The following OTULINL variants were observed in gnomAD, a reference collection of about 807,000 sequenced individuals.
OTULINL encodes the protein OTU deubiquitinase with linear linkage specificity like.
A neutral mutation model predicts 43.9 loss-of-function variants in OTULINL; 42 were observed. The observed-to-expected ratio is 0.96, with a 90% CI of 0.75 to 1.24. The LOEUF (loss-of-function observed/expected upper bound fraction) is 1.24, where lower values mean the gene tolerates loss of function less well. OTULINL is among the 50% of genes most tolerant of loss of function. The pLI, the probability that OTULINL is intolerant of heterozygous loss-of-function variation, is 0.00. For missense variants in OTULINL, 411 were observed against 426.4 expected (o/e 0.96, Z 0.32); for synonymous variants, 172 against 153.6 (o/e 1.12, Z -0.88).
At chr5:14,607,971 A>T (rs894773561) in intron 6 of OTULINL, among the ~76,000 whole-genome samples, 1 of 152,248 alleles carries the variant, frequency 6.6e-6, no homozygotes, top group Non-Finnish European at 1.5e-5. Flanking sequence ...AAAGAGAAAC[A>T]TCAATAGTGT....
At chr5:14,595,640 CTTTTTTTTTTT>C (rs61482298) in intron 1 of OTULINL, among the ~76,000 whole-genome samples, 1 of 57,094 alleles carries the variant, frequency 1.8e-5, no homozygotes, top group Non-Finnish European at 3.1e-5. Context: ...AAAAACGGTG[CTTTTTTTTTTT>C]TTTTTTTTTT....
chr5:14,591,470 G>A (rs1759200657), intron 1 of OTULINL, among the ~76,000 whole-genome samples: 1 of 152,114 alleles, frequency 6.6e-6, no homozygotes, highest in African/African-American at 2.4e-5. Flanking sequence ...TTCTGTGCGG[G>A]CAGGTCTGTG....
chr5:14,599,412 C>T (rs1759345801), intron 1 of OTULINL, among the ~76,000 whole-genome samples: 3 of 151,606 alleles, frequency 2.0e-5, no homozygotes, highest in South Asian at 2.1e-4. Flanking sequence ...CACTTGAACC[C>T]GGGAGGCAGA....
In OTULINL at chr5:14,613,206, G is replaced by A. The variant is rs1242039931; in HGVS notation, c.*2892G>A. ...CAAAGTGCTGGGATTACGGGTGTGAGCCACTGCGCCCGGCCCTAACAATTT... is the reference window on the plus strand; with the variant it reads ...CAAAGTGCTGGGATTACGGGTGTGAACCACTGCGCCCGGCCCTAACAATTT... On this transcript the variant is annotated 3_prime_UTR_variant, in exon 8 of 8. Coordinates refer to ENST00000274217, the MANE Select transcript of OTULINL (RefSeq NM_019018.3). Among the ~76,000 whole-genome samples, 1 of 152,208 alleles carries A rather than the reference G, an allele frequency of 6.6e-6. No individual in the cohort carries two copies. Among genetic ancestry groups the A allele is most frequent in the African/African-American group, 2.4e-5 (1 of 41,452 alleles).
rs920467060 is a variant in OTULINL, at chr5:14,591,070, G to T, written c.64+9112G>T. Among the ~76,000 whole-genome samples, 4 of 152,190 alleles carry T rather than the reference G, an allele frequency of 2.6e-5. 1 individual carries two copies. Among genetic ancestry groups the T allele is most frequent in the Non-Finnish European group, 5.9e-5 (4 of 68,032 alleles). ...TAACTATTAGTGATGGTGCCCAAAT[G>T]ATTCTGAGTAATGGAAAAGTCACCC... On this transcript the variant is annotated intron_variant, in intron 1 of 7. Coordinates refer to ENST00000274217, the MANE Select transcript of OTULINL (RefSeq NM_019018.3).
intron 1 of OTULINL, among the ~76,000 whole-genome samples, chr5:14,595,640 C>CTTTTTTTTTTTT (rs61482298): frequency 1.2e-4 from 7 of 57,112 alleles, no homozygotes; most frequent in Admixed American, 3.0e-4. Context: ...AAAAACGGTG[C>CTTTTTTTTTTTT]TTTTTTTTTT....
chr5:14,610,947 G>A lies in OTULINL; in HGVS notation c.*633G>A, dbSNP rs545303210. The A allele has an allele frequency of 6.6e-6, 1 of 152,216 alleles. No homozygotes were observed. The highest frequency in any genetic ancestry group is 1.9e-4 in the East Asian group (1 of 5,180). The allele number at this position is 152,216 out of a possible 1,614,324, so 9.4% of individuals were successfully genotyped here. A position where few individuals can be genotyped will look rare whatever the true frequency, so the allele number is the denominator to read the frequency against. On this transcript the variant is annotated 3_prime_UTR_variant, in exon 8 of 8. Coordinates refer to ENST00000274217, the MANE Select transcript of OTULINL (RefSeq NM_019018.3). ...AACCACTACTTTGTAATAGTGTACAGTTTGTTTTATATCTCTTTACTTTTT... is the reference window on the plus strand; with the variant it reads ...AACCACTACTTTGTAATAGTGTACAATTTGTTTTATATCTCTTTACTTTTT...
intron 5 of OTULINL, among the ~76,000 whole-genome samples, chr5:14,605,823 C>T (rs1283880273): frequency 1.3e-5 from 2 of 152,186 alleles, no homozygotes; most frequent in African/African-American, 4.8e-5. Flanking sequence ...CTGAGACTAC[C>T]TCAGCCTGGA....
At chr5:14,603,180 G>A (rs534146349) in intron 5 of OTULINL, among the ~76,000 whole-genome samples, 8 of 152,280 alleles carry the variant, frequency 5.3e-5, no homozygotes, top group African/African-American at 1.9e-4. Context: ...TTGTTGAGTG[G>A]TATTCCTTTA....
At position 14,613,765 on chromosome 5, in the gene OTULINL, G is replaced by A. The variant is rs1369867958; in HGVS notation, c.*3451G>A. On this transcript the variant is annotated 3_prime_UTR_variant, in exon 8 of 8. Transcript: ENST00000274217. ...TCCCCAGGGCCCTCTCTAGGGGACC[G>A]GAGACCTCCAGACTAAGCTGGTGGA... is the stretch of plus-strand genomic sequence containing the variant. Among the ~76,000 whole-genome samples the A allele has an allele frequency of 2.6e-5, 4 of 152,164 alleles. No homozygotes were observed. The highest frequency in any genetic ancestry group is 4.4e-5 in the Non-Finnish European group (3 of 68,032).
intron 1 of OTULINL, among the ~76,000 whole-genome samples, chr5:14,582,278 C>T (rs930801683): frequency 6.6e-6 from 1 of 151,870 alleles, no homozygotes; most frequent in East Asian, 2.0e-4. Context: ...GGTCGGGGTC[C>T]CCTCAGAGCC....
At chr5:14,591,824 G>A (rs1408439237) in intron 1 of OTULINL, among the ~76,000 whole-genome samples, 1 of 152,224 alleles carries the variant, frequency 6.6e-6, no homozygotes, top group East Asian at 1.9e-4. Flanking sequence ...ACAGCCCATG[G>A]GTCATATCTG....
Position 14,601,418 on chromosome 5 carries a change from A to AC in OTULINL, c.328dup (p.Arg110ProfsTer2). 1 of 1,614,106 alleles carries AC rather than the reference A, an allele frequency of 6.2e-7. No individual in the cohort carries two copies. The highest frequency in any genetic ancestry group is 1.1e-5 in the South Asian group (1 of 91,086). On this transcript the variant is annotated frameshift_variant, in exon 4 of 8. Coordinates refer to ENST00000274217, the MANE Select transcript of OTULINL (RefSeq NM_019018.3). LOFTEE classifies it high-confidence loss of function. ...GTGCAAGAGAATGGAAAGGAGAGAC[A>AC]CCCCGTAACAAGCTGATGAGGAAGG...
At position 14,610,596 on chromosome 5, in the gene OTULINL, A is replaced by C; in HGVS notation, c.*282A>C. ...TGATGGCGGGCCTTTAAGAGCACAA[A>C]GAAGTTTAATATGGACAACAACAGG... On this transcript the variant is annotated 3_prime_UTR_variant, in exon 8 of 8. Transcript: ENST00000274217. 3.6e-6 allele frequency: 1 copy of C among 278,988 alleles called. No individual in the cohort carries two copies. The highest frequency in any genetic ancestry group is 6.9e-6 in the Non-Finnish European group (1 of 145,678). The allele number at this position is 278,988 out of a possible 1,614,324, so 17.3% of individuals were successfully genotyped here.
Position 14,607,288 on chromosome 5 carries a change from G to T in OTULINL, c.499-42G>T, listed in dbSNP as rs181512686. On this transcript the variant is annotated intron_variant, in intron 5 of 7. Coordinates refer to ENST00000274217, the MANE Select transcript of OTULINL (RefSeq NM_019018.3). ...ATACAGCAAATTGTGTGTAATAAAC[G>T]TTCATATGCTAATCATAGTTGGCAT... 5 of 1,602,670 alleles carry T rather than the reference G, an allele frequency of 3.1e-6. No individual in the cohort carries two copies. The East Asian group carries it at 8.9e-5, about 29-fold the overall frequency.
intron 2 of OTULINL, 29 bp from the exon 3 acceptor site, chr5:14,601,184 T>G: frequency 6.2e-7 from 1 of 1,611,934 alleles, no homozygotes; most frequent in Non-Finnish European, 8.5e-7. Flanking sequence ...AGCAGAATTC[T>G]GATATTATTG....
At chr5:14,600,886 T>C in intron 1 of OTULINL, 79 bp from the exon 2 acceptor site, 1 of 1,233,510 alleles carries the variant, frequency 8.1e-7, no homozygotes, top group Non-Finnish European at 1.0e-6. Context: ...GCAATCTCTC[T>C]CTGCATTTTT....
intron 5 of OTULINL, among the ~76,000 whole-genome samples, chr5:14,604,980 C>T (rs1759448817): frequency 6.6e-6 from 1 of 152,198 alleles, no homozygotes; most frequent in African/African-American, 2.4e-5. Context: ...CCTCTTCTCA[C>T]AGCTCCACTA....
intron 5 of OTULINL, 56 bp from the exon 6 acceptor site, chr5:14,607,274 T>G (rs895691817): frequency 1.3e-6 from 2 of 1,583,810 alleles, no homozygotes; most frequent in South Asian, 1.1e-5. Context: ...TACAGCAAAT[T>G]GTGTGTAATA....
Sources: gnomAD v4.1 joint callset for allele counts (sites outside exome capture counted in the v4.1 genomes callset) on GRCh38, gnomAD v4.1.1 for gene constraint, MANE v1.5 for transcripts, NCBI Gene and HGNC (gene_info 2026-07-23, HGNC 2026-07-21) for gene names.